The following HS6ST3 variants were observed in gnomAD, a reference collection of about 807,000 sequenced individuals.
HS6ST3 encodes the protein heparan-sulfate 6-O-sulfotransferase 3.
In HS6ST3, 12 loss-of-function variants were observed where a neutral mutation model predicts 36.7. The ratio of observed to expected loss-of-function variants is 0.33; its 90% CI spans 0.21 to 0.53. The LOEUF (loss-of-function observed/expected upper bound fraction) is 0.53. HS6ST3 is among the 20% of genes least tolerant of loss of function. HS6ST3 has a pLI of 0.95. For synonymous variants in HS6ST3, 240 were observed against 257.5 expected (o/e 0.93, Z 0.65); for missense variants, 584 against 640.9 (o/e 0.91, Z 0.96).
chr13:96,482,804 G>A (rs937393890), intron 1 of HS6ST3, among the ~76,000 whole-genome samples: 1 of 152,204 alleles, frequency 6.6e-6, no homozygotes, highest in Non-Finnish European at 1.5e-5. Flanking sequence ...TCCTAGCAGA[G>A]CCTAGGAAAT....
intron 1 of HS6ST3, among the ~76,000 whole-genome samples, chr13:96,136,386 G>A (rs1157976549): frequency 2.6e-5 from 4 of 152,222 alleles, no homozygotes; most frequent in Admixed American, 1.3e-4. Flanking sequence ...GCTTTTACGC[G>A]TGGTGCAAGG....
intron 1 of HS6ST3, among the ~76,000 whole-genome samples, chr13:96,537,139 G>T (rs1326020781): frequency 1.3e-5 from 2 of 152,178 alleles, no homozygotes; most frequent in African/African-American, 4.8e-5. Flanking sequence ...ATTCCATGTG[G>T]CTGGGGAGGC....
intron 1 of HS6ST3, among the ~76,000 whole-genome samples, chr13:96,415,498 C>T (rs1008090007): frequency 2.6e-5 from 4 of 152,150 alleles, no homozygotes; most frequent in African/African-American, 4.8e-5. Flanking sequence ...CCATTTTGAA[C>T]GCTGTTTGTG....
intron 1 of HS6ST3, among the ~76,000 whole-genome samples, chr13:96,113,310 G>GC (rs1215172164): frequency 6.6e-6 from 1 of 152,196 alleles, no homozygotes. Context: ...GTATCTCTGA[G>GC]CAGGAGCTCA....
At chr13:96,347,528 A>G (rs1949572147) in intron 1 of HS6ST3, among the ~76,000 whole-genome samples, 1 of 152,222 alleles carries the variant, frequency 6.6e-6, no homozygotes, top group Non-Finnish European at 1.5e-5. Flanking sequence ...TTTAAATTTT[A>G]TACTGCAGGA....
At chr13:96,433,697 G>A (rs370703848) in intron 1 of HS6ST3, among the ~76,000 whole-genome samples, 1 of 152,276 alleles carries the variant, frequency 6.6e-6, no homozygotes, top group East Asian at 1.9e-4. Context: ...CACTTTGAGA[G>A]GTTGAAGTTG....
At chr13:96,344,483 C>T (rs1344322861) in intron 1 of HS6ST3, among the ~76,000 whole-genome samples, 1 of 152,206 alleles carries the variant, frequency 6.6e-6, no homozygotes, top group Non-Finnish European at 1.5e-5. Context: ...ATCTTTGTAT[C>T]ATATGATAGT....
chr13:96,484,315 C>T (rs1304276217), intron 1 of HS6ST3, among the ~76,000 whole-genome samples: 1 of 151,584 alleles, frequency 6.6e-6, no homozygotes, highest in East Asian at 1.9e-4. Flanking sequence ...TTCCTTCCTT[C>T]CTATGTGCTG....
intron 1 of HS6ST3, among the ~76,000 whole-genome samples, chr13:96,476,288 A>G (rs1481434424): frequency 2.0e-5 from 3 of 152,144 alleles, no homozygotes; most frequent in Non-Finnish European, 4.4e-5. Context: ...GACACGTACA[A>G]TGGATGGGTT....
chr13:96,392,667 G>T (rs1470650203), intron 1 of HS6ST3, among the ~76,000 whole-genome samples: 2 of 152,182 alleles, frequency 1.3e-5, no homozygotes, highest in Non-Finnish European at 2.9e-5. Flanking sequence ...CAAAGCCCCT[G>T]TGGCAAGCTG....
chr13:96,343,023 C>G (rs1594758295), intron 1 of HS6ST3, among the ~76,000 whole-genome samples: 1 of 152,236 alleles, frequency 6.6e-6, no homozygotes, highest in Admixed American at 6.5e-5. Context: ...AACAGCCAAA[C>G]TAGCTGTGGT....
At chr13:96,444,456 T>C (rs2139482071) in intron 1 of HS6ST3, among the ~76,000 whole-genome samples, 1 of 152,346 alleles carries the variant, frequency 6.6e-6, no homozygotes, top group Admixed American at 6.5e-5. Flanking sequence ...TAACATTTAC[T>C]TAAACAGTGA....
chr13:96,808,771 C>T (rs1878254891), intron 1 of HS6ST3, among the ~76,000 whole-genome samples: 1 of 152,110 alleles, frequency 6.6e-6, no homozygotes, highest in Non-Finnish European at 1.5e-5. Context: ...TGAGGGAGCC[C>T]AGATTGCAGA....
intron 1 of HS6ST3, among the ~76,000 whole-genome samples, chr13:96,513,879 C>G (rs917938409): frequency 4.6e-5 from 7 of 151,792 alleles, no homozygotes; most frequent in Non-Finnish European, 1.0e-4. Flanking sequence ...AGACCTGTGA[C>G]TATTGAAGGA....
chr13:96,435,518 C>G (rs374739937), intron 1 of HS6ST3, among the ~76,000 whole-genome samples: 16 of 152,260 alleles, frequency 1.1e-4, no homozygotes, highest in African/African-American at 3.6e-4. Flanking sequence ...TATTCTGTGC[C>G]TTTGGACATA....
At chr13:96,571,717 C>A (rs2056301658) in intron 1 of HS6ST3, among the ~76,000 whole-genome samples, 1 of 152,126 alleles carries the variant, frequency 6.6e-6, no homozygotes, top group Non-Finnish European at 1.5e-5. Context: ...TTTTCCTTGA[C>A]ATTATAATGG....
intron 1 of HS6ST3, among the ~76,000 whole-genome samples, chr13:96,244,806 C>G (rs906067552): frequency 1.3e-5 from 2 of 152,102 alleles, no homozygotes; most frequent in Non-Finnish European, 1.5e-5. Context: ...CAGAAGTCTG[C>G]CAAATATGAT....
At chr13:96,282,243 G>A (rs1048428649) in intron 1 of HS6ST3, among the ~76,000 whole-genome samples, 4 of 152,132 alleles carry the variant, frequency 2.6e-5, no homozygotes, top group African/African-American at 7.2e-5. Flanking sequence ...TTCTGGAGTC[G>A]GTATCCCATG....
rs11423735 is a variant in HS6ST3, at chr13:96,765,060, CTTTTTTTTT to C, written c.708-67414_708-67406del. Among the ~76,000 whole-genome samples the C allele has an allele frequency of 6.0e-3, 568 of 93,932 alleles. 4 individuals are homozygous for C. The highest frequency in any genetic ancestry group is 0.022 in the African/African-American group (522 of 23,238). 61.6% of individuals were successfully genotyped at this position (93,932 alleles called of 152,430 possible). A position where few individuals can be genotyped will look rare whatever the true frequency, so the allele number is the denominator to read the frequency against. On this transcript the variant is annotated intron_variant, in intron 1 of 1. Transcript: ENST00000376705. ...GCCATATTTCTTTCTTTGTTTCTTT[CTTTTTTTTT>C]TTTTTTTTTTTTTTTGAGACGGAGT...
Sources: allele counts gnomAD v4.1 joint callset (sites outside exome capture counted in the v4.1 genomes callset), GRCh38; gene constraint gnomAD v4.1.1; transcripts MANE v1.5; gene names NCBI Gene and HGNC (gene_info 2026-07-23, HGNC 2026-07-21).